ACBD6: variants seen among roughly 807,000 people sequenced by gnomAD.
ACBD6 encodes acyl-CoA-binding domain-containing protein 6.
In ACBD6, 28 loss-of-function variants were observed where a neutral mutation model predicts 37.2. The observed-to-expected ratio is 0.75, with a 90% CI of 0.56 to 1.03. The LOEUF is 1.03. ACBD6 is among the 50% of genes least tolerant of loss of function. The probability of loss-of-function intolerance (pLI) is 0.00; values close to 1 mark genes in which losing one functional copy is unlikely to be tolerated. For synonymous variants in ACBD6, 113 were observed against 126.8 expected (o/e 0.89, Z 0.73); for missense variants, 340 against 337.4 (o/e 1.01, Z -0.06).
exon 10 of ACBD6, chr1:180,274,727 T>C: frequency 1.1e-6 from 1 of 929,972 alleles, no homozygotes; most frequent in South Asian, 1.8e-5. Context: ...CCTAGAAGGC[T>C]GTGAGACCAC....
chr1:180,305,992 G>A (rs561847676), intron 7 of ACBD6, among the ~76,000 whole-genome samples: 48 of 150,758 alleles, frequency 3.2e-4, no homozygotes, highest in African/African-American at 6.3e-4. Flanking sequence ...GCAAACTATC[G>A]CAAGGACAAA....
intron 5 of ACBD6, among the ~76,000 whole-genome samples, chr1:180,401,701 T>A (rs77300419): frequency 0.042 from 6,293 of 149,712 alleles, 418 homozygotes; most frequent in African/African-American, 0.14. Context: ...GGCAGGAGAA[T>A]CGCCTGAACC....
At chr1:180,349,074 G>A (rs1652299886) in intron 6 of ACBD6, among the ~76,000 whole-genome samples, 1 of 151,788 alleles carries the variant, frequency 6.6e-6, no homozygotes, top group Admixed American at 6.6e-5. Flanking sequence ...AGGATGTTGC[G>A]AGAGCAGTAT....
At chr1:180,377,729 C>A (rs1223700488) in intron 6 of ACBD6, among the ~76,000 whole-genome samples, 1 of 152,096 alleles carries the variant, frequency 6.6e-6, no homozygotes, top group African/African-American at 2.4e-5. Flanking sequence ...GGGTGGATCA[C>A]CTGAGGTCGG....
chr1:180,490,979 A>G (rs1332431269), intron 3 of ACBD6, among the ~76,000 whole-genome samples: 1 of 151,250 alleles, frequency 6.6e-6, no homozygotes, highest in Non-Finnish European at 1.5e-5. Context: ...AAAAAAAAAA[A>G]AAAGGACATT....
rs529562126 is a variant in ACBD6, at chr1:180,501,741, C to T, written c.222+304G>A. On this transcript the variant is annotated intron_variant, in intron 1 of 7. Transcript: ENST00000367595. ...AAATGAATGATATATCTTATTTTAT[C>T]CTCATTTTGTAAAGGTTCTTGGGCT... is the stretch of plus-strand genomic sequence containing the variant. Among the ~76,000 whole-genome samples, 8 of 152,044 alleles carry T rather than the reference C, an allele frequency of 5.3e-5. No homozygotes were observed. In the South Asian group the frequency reaches 1.7e-3, roughly 32 times the overall value.
chr1:180,333,324 A>G (rs946361140), intron 6 of ACBD6, among the ~76,000 whole-genome samples: 3 of 152,190 alleles, frequency 2.0e-5, no homozygotes, highest in Admixed American at 1.3e-4. Flanking sequence ...TTGGATATGC[A>G]TATCTAGTTC....
chr1:180,291,663 T>A (rs545317996), intron 7 of ACBD6, among the ~76,000 whole-genome samples: 2 of 152,180 alleles, frequency 1.3e-5, no homozygotes, highest in Non-Finnish European at 2.9e-5. Context: ...TCATTTTTTT[T>A]AAGAGTATCT....
In ACBD6 at chr1:180,274,563, A is replaced by G. The variant is rs1370629414; in HGVS notation, c.*936+88T>C. ...CCAGGCTCTTGGCTCGATGAAATGGATCATCCTCCTTTTTAAACTTCTCTC... is the reference window on the plus strand; with the variant it reads ...CCAGGCTCTTGGCTCGATGAAATGGGTCATCCTCCTTTTTAAACTTCTCTC... On this transcript the variant is annotated intron_variant, in intron 10 of 13. Transcript: ENST00000642319. 1.3e-6 allele frequency: 2 copies of G among 1,581,748 alleles called. No individual in the cohort carries two copies. Among genetic ancestry groups the G allele is most frequent in the Admixed American group, 1.7e-5 (1 of 58,976 alleles).
Position 180,401,702 on chromosome 1 carries a change from C to T in ACBD6, c.574-4097G>A, listed in dbSNP as rs530814321. Reference sequence around the variant, plus strand: ...CTTGGGAGGGTGAAGGCAGGAGAATCGCCTGAACCTGGGAGGTGGAGGTTG... The same window carrying T: ...CTTGGGAGGGTGAAGGCAGGAGAATTGCCTGAACCTGGGAGGTGGAGGTTG... On this transcript the variant is annotated intron_variant, in intron 5 of 7. Coordinates refer to ENST00000367595, the MANE Select transcript of ACBD6 (RefSeq NM_032360.4). Among the ~76,000 whole-genome samples, 46 of 149,758 alleles carry T rather than the reference C, an allele frequency of 3.1e-4. No individual in the cohort carries two copies. In the South Asian group the frequency reaches 5.5e-3, roughly 18 times the overall value.
In ACBD6 at chr1:180,410,160, G is replaced by T. The variant is rs919513666; in HGVS notation, c.573+3206C>A. On this transcript the variant is annotated intron_variant, in intron 5 of 7. Transcript: ENST00000367595. ...GAAGGTTGAGAAAGGTAAGGGGGCT[G>T]CAGAAGAAAAGTCTGAAGCTAGCAA... 3.9e-5 allele frequency among the ~76,000 whole-genome samples: 6 copies of T among 152,246 alleles called. No homozygotes were observed. The South Asian group carries it at 6.2e-4, about 16-fold the overall frequency.
chr1:180,337,167 T>C (rs1233382618), intron 6 of ACBD6, among the ~76,000 whole-genome samples: 1 of 152,142 alleles, frequency 6.6e-6, no homozygotes, highest in Admixed American at 6.6e-5. Flanking sequence ...GCCAGCATCA[T>C]CCTGATACCA....
At chr1:180,385,274 C>T (rs532163348) in intron 6 of ACBD6, among the ~76,000 whole-genome samples, 1 of 151,112 alleles carries the variant, frequency 6.6e-6, no homozygotes, top group South Asian at 2.1e-4. Context: ...AATAGAGAAA[C>T]AGAGCAGATG....
chr1:180,407,016 C>A (rs1647653855), intron 5 of ACBD6, among the ~76,000 whole-genome samples: 1 of 152,196 alleles, frequency 6.6e-6, no homozygotes, highest in African/African-American at 2.4e-5. Flanking sequence ...TTTGCTAGAG[C>A]TTTAAATGTG....
chr1:180,331,435 A>G (rs1651476542), intron 6 of ACBD6, among the ~76,000 whole-genome samples: 2 of 152,230 alleles, frequency 1.3e-5, no homozygotes, highest in African/African-American at 2.4e-5. Context: ...TCAAACTTAT[A>G]TAATCAGAAT....
At chr1:180,314,814 A>G in intron 6 of ACBD6, 92 bp from the exon 7 acceptor site, 3 of 949,136 alleles carry the variant, frequency 3.2e-6, no homozygotes, top group South Asian at 1.3e-5. Context: ...CTGATATACC[A>G]AAGTTCCATA....
intron 5 of ACBD6, among the ~76,000 whole-genome samples, chr1:180,401,208 C>CA (rs1277338134): frequency 6.6e-6 from 1 of 152,158 alleles, no homozygotes; most frequent in East Asian, 1.9e-4. Context: ...TTCTGAAACT[C>CA]AAATACAGTA....
intron 3 of ACBD6, among the ~76,000 whole-genome samples, chr1:180,456,803 A>G (rs1230258869): frequency 1.3e-5 from 2 of 151,898 alleles, no homozygotes. Flanking sequence ...GGCTCACTGC[A>G]GCCTCAGCCT....
At chr1:180,329,020 T>G (rs925431117) in intron 6 of ACBD6, among the ~76,000 whole-genome samples, 3 of 152,186 alleles carry the variant, frequency 2.0e-5, no homozygotes, top group Non-Finnish European at 4.4e-5. Flanking sequence ...CATCCAAAAA[T>G]TAAAAACATC....
Sources: allele counts gnomAD v4.1 joint callset (sites outside exome capture counted in the v4.1 genomes callset), GRCh38; gene constraint gnomAD v4.1.1; transcripts MANE v1.5; gene names NCBI Gene and HGNC (gene_info 2026-07-23, HGNC 2026-07-21).